Variants in ATP2B2 observed in about 807,000 individuals in gnomAD.
The protein encoded by ATP2B2 is plasma membrane calcium-transporting ATPase 2.
Under a neutral mutation model 120.0 loss-of-function variants are expected in ATP2B2, and 15 were observed. The observed-to-expected ratio is 0.12, with a 90% confidence interval of 0.08 to 0.19. The LOEUF is 0.19. Among genes scored for constraint, ATP2B2 ranks in the 10% least tolerant of loss-of-function variants. The probability of loss-of-function intolerance (pLI) is 1.00; values close to 1 mark genes in which losing one functional copy is unlikely to be tolerated. For missense variants in ATP2B2, 1,045 were observed against 1,719.8 expected (o/e 0.61, Z 6.94); for synonymous variants, 694 against 700.3 (o/e 0.99, Z 0.14).
In ATP2B2 at chr3:10,347,089, TC is replaced by T. The variant is rs1232753199; in HGVS notation, c.2405-953del. ...ATCCCCGGAATGTCGTTTTCCTGCT[TC>T]CCCCCTTGGTCTCAGGATAACATCC... On this transcript the variant is annotated intron_variant, in intron 16 of 22. Transcript: ENST00000360273. This position sits in a 1 kb window ranked among gnomAD's most constrained non-coding sequence, Gnocchi z 5.2. Among the ~76,000 whole-genome samples the T allele has an allele frequency of 6.6e-6, 1 of 151,824 alleles. No individual in the cohort carries two copies. The highest frequency in any genetic ancestry group is 2.4e-5 in the African/African-American group (1 of 41,290).
intron 2 of ATP2B2, among the ~76,000 whole-genome samples, chr3:10,584,106 A>G (rs368945688): frequency 1.1e-4 from 16 of 151,764 alleles, no homozygotes; most frequent in African/African-American, 3.4e-4. Flanking sequence ...ACTTGCGAGG[A>G]AGAGAGCTTT....
intron 2 of ATP2B2, among the ~76,000 whole-genome samples, chr3:10,595,517 C>G (rs533697824): frequency 1.3e-5 from 2 of 152,282 alleles, no homozygotes; most frequent in South Asian, 4.1e-4. Context: ...CCTCACGGTG[C>G]AGATAAGGAA....
chr3:10,472,191 C>T (rs1170371009), intron 1 of ATP2B2, among the ~76,000 whole-genome samples: 4 of 152,174 alleles, frequency 2.6e-5, no homozygotes, highest in South Asian at 2.1e-4. Context: ...ACACAGAGAC[C>T]GAAGCAGGAA....
intron 2 of ATP2B2, among the ~76,000 whole-genome samples, chr3:10,423,959 T>C (rs1341325729): frequency 2.6e-5 from 4 of 152,198 alleles, no homozygotes; most frequent in African/African-American, 9.6e-5. Context: ...CCCAATCCCT[T>C]TGAGCTCAAA....
At chr3:10,509,482 T>G (rs1194177583), upstream of ATP2B2, among the ~76,000 whole-genome samples, 2 of 152,180 alleles carry the variant, frequency 1.3e-5, no homozygotes, top group African/African-American at 4.8e-5. Context: ...GAGCCCAGGC[T>G]TCTTCCCATT....
At chr3:10,420,392 G>A (rs1461084574) in intron 2 of ATP2B2, among the ~76,000 whole-genome samples, 1 of 147,424 alleles carries the variant, frequency 6.8e-6, no homozygotes, top group Non-Finnish European at 1.5e-5. Context: ...ACGAAGTCTC[G>A]CTCTTGTCCT....
At chr3:10,409,843 G>A (rs34905) in intron 3 of ATP2B2, among the ~76,000 whole-genome samples, 81,743 of 151,952 alleles carry the variant, frequency 0.54, 24,159 homozygotes, top group East Asian at 0.98. Flanking sequence ...TATTTATGCA[G>A]CACATTCATT....
chr3:10,645,259 AG>A (rs1433492541), intron 1 of ATP2B2, among the ~76,000 whole-genome samples: 2 of 152,162 alleles, frequency 1.3e-5, no homozygotes, highest in African/African-American at 4.8e-5. Context: ...ATAAAAATGG[AG>A]GGGGGTTGTA....
At chr3:10,494,161 G>T (rs960457225) in intron 1 of ATP2B2, among the ~76,000 whole-genome samples, 1 of 152,080 alleles carries the variant, frequency 6.6e-6, no homozygotes, top group African/African-American at 2.4e-5. Context: ...GGTGGCCATG[G>T]GGGGTCTATG....
intron 2 of ATP2B2, among the ~76,000 whole-genome samples, chr3:10,593,449 G>A (rs2068690996): frequency 6.6e-6 from 1 of 152,182 alleles, no homozygotes; most frequent in Non-Finnish European, 1.5e-5. Flanking sequence ...GACTGTCTGT[G>A]CAGAAACATG....
intron 12 of ATP2B2, 43 bp downstream of exon 12, chr3:10,371,766 T>G (rs1468375583): frequency 1.2e-6 from 2 of 1,613,910 alleles, no homozygotes; most frequent in Non-Finnish European, 1.7e-6. Flanking sequence ...TACCATCCCA[T>G]GGATGTTGCT....
intron 2 of ATP2B2, among the ~76,000 whole-genome samples, chr3:10,420,931 G>A (rs2062956326): frequency 6.6e-6 from 1 of 152,236 alleles, no homozygotes; most frequent in Non-Finnish European, 1.5e-5. Context: ...CCCGGACCTT[G>A]GGAGTTAGAA....
At chr3:10,332,554 G>A (rs936213660) in intron 22 of ATP2B2, among the ~76,000 whole-genome samples, 1 of 152,198 alleles carries the variant, frequency 6.6e-6, no homozygotes, top group African/African-American at 2.4e-5. Flanking sequence ...TGGCCACGCT[G>A]GTAGAAGTTC....
intron 11 of ATP2B2, among the ~76,000 whole-genome samples, chr3:10,372,692 C>T (rs1422977230): frequency 6.6e-6 from 1 of 152,188 alleles, no homozygotes; most frequent in Non-Finnish European, 1.5e-5. Context: ...CAACTATTAG[C>T]TACCATCCAG....
intron 3 of ATP2B2, among the ~76,000 whole-genome samples, chr3:10,532,979 T>A (rs559854194): frequency 6.6e-6 from 1 of 152,220 alleles, no homozygotes; most frequent in Non-Finnish European, 1.5e-5. Context: ...GAAGGTCAGA[T>A]GAGATGGCAA....
At chr3:10,457,549 T>C (rs1386577001) in intron 1 of ATP2B2, among the ~76,000 whole-genome samples, 1 of 86,832 alleles carries the variant, frequency 1.2e-5, no homozygotes, top group East Asian at 2.7e-4. Flanking sequence ...CATGTCAGCA[T>C]GAGTGTGCGT....
chr3:10,680,913 C>A (rs1469588667), intron 1 of ATP2B2, among the ~76,000 whole-genome samples: 5 of 152,150 alleles, frequency 3.3e-5, no homozygotes, highest in Admixed American at 1.3e-4. Context: ...TGTTTGGTGA[C>A]TGAATGGTGG....
At chr3:10,450,602 T>A (rs1041050071) in intron 1 of ATP2B2, among the ~76,000 whole-genome samples, 1 of 152,134 alleles carries the variant, frequency 6.6e-6, no homozygotes, top group African/African-American at 2.4e-5. Flanking sequence ...TCATACATAG[T>A]CACAAGAATG....
At chr3:10,600,629 C>A (rs1047135525) in intron 2 of ATP2B2, among the ~76,000 whole-genome samples, 1 of 152,246 alleles carries the variant, frequency 6.6e-6, no homozygotes, top group East Asian at 1.9e-4. Context: ...CCAGACGGGG[C>A]TGGTGCTCTG....
Sources: allele counts gnomAD v4.1 joint callset (sites outside exome capture counted in the v4.1 genomes callset), GRCh38; gene constraint gnomAD v4.1.1; non-coding constraint Gnocchi (gnomAD v3.1); transcripts MANE v1.5; gene names NCBI Gene and HGNC (gene_info 2026-07-23, HGNC 2026-07-21).